The following AKAP7 variants were observed in gnomAD, a reference collection of about 807,000 sequenced individuals.
The protein encoded by AKAP7 is A-kinase anchoring protein 7.
In AKAP7, 39 loss-of-function variants were observed where a neutral mutation model predicts 39.5. The observed-to-expected ratio is 0.99, with a 90% CI of 0.76 to 1.29. AKAP7 has a LOEUF of 1.29. Ranked by LOEUF, AKAP7 falls within the 50% of genes most tolerant of loss-of-function variation. The pLI is 0.00. For missense variants in AKAP7, 414 were observed against 407.7 expected (o/e 1.02, Z -0.13); for synonymous variants, 140 against 139.1 (o/e 1.01, Z -0.05).
At chr6:131,157,797 C>T (rs1426379620) in intron 2 of AKAP7, among the ~76,000 whole-genome samples, 1 of 152,142 alleles carries the variant, frequency 6.6e-6, no homozygotes, top group East Asian at 1.9e-4. Context: ...ATCCTCTAAT[C>T]ATGAAGAGCT....
chr6:131,180,689 A>T (rs1017148480), intron 5 of AKAP7, among the ~76,000 whole-genome samples: 1 of 152,156 alleles, frequency 6.6e-6, no homozygotes, highest in African/African-American at 2.4e-5. Context: ...GGCCTACTTC[A>T]CTGCATGCCA....
rs529962318 is a variant in AKAP7, at chr6:131,282,454, G to A, written c.*728G>A. ...TTAATGAAGCTTTGCATCGAGAAAC[G>A]ATGGGTCTGAAGTCCAAAGTGAAAC... On this transcript the variant is annotated 3_prime_UTR_variant, in exon 8 of 8. Transcript: ENST00000431975. 85 of 1,531,022 alleles carry A rather than the reference G, an allele frequency of 5.6e-5. No homozygotes were observed. The African/African-American group carries it at 8.9e-4, about 16-fold the overall frequency. 94.8% of individuals were successfully genotyped at this position (1,531,022 alleles called of 1,614,324 possible). A position where few individuals can be genotyped will look rare whatever the true frequency, so the allele number is the denominator to read the frequency against.
rs1815178376 is a variant in AKAP7 at position 131,281,385 on chromosome 6, A to G, written c.851-145A>G. The G allele has an allele frequency of 1.7e-6, 1 of 596,686 alleles. No individual in the cohort carries two copies. Among genetic ancestry groups the G allele is most frequent in the Non-Finnish European group, 2.7e-6 (1 of 371,094 alleles). The allele number at this position is 596,686 out of a possible 1,614,324, so 37.0% of individuals were successfully genotyped here. Reference sequence around the variant, plus strand: ...CAGGCTCCTGCTTCTGCAAATACCAAATGAAAAGCCAACCCACTGTTCTTG... The same window carrying G: ...CAGGCTCCTGCTTCTGCAAATACCAGATGAAAAGCCAACCCACTGTTCTTG... On this transcript the variant is annotated intron_variant, in intron 7 of 7. Transcript: ENST00000431975. This position sits in a 1 kb window ranked among gnomAD's most constrained non-coding sequence, Gnocchi z 4.0.
intron 7 of AKAP7, among the ~76,000 whole-genome samples, chr6:131,247,055 C>T (rs1447108480): frequency 1.3e-5 from 2 of 151,930 alleles, no homozygotes; most frequent in African/African-American, 4.8e-5. Flanking sequence ...CTTCAGAGAG[C>T]TGTCTTAGAG....
intron 5 of AKAP7, among the ~76,000 whole-genome samples, chr6:131,197,579 T>C (rs982327703): frequency 6.6e-6 from 1 of 152,214 alleles, no homozygotes; most frequent in African/African-American, 2.4e-5. Flanking sequence ...GTTTTCTTTT[T>C]CTTAGTGTGT....
intron 7 of AKAP7, among the ~76,000 whole-genome samples, chr6:131,250,784 A>AACTGTAAAAGT (rs1812385153): frequency 6.7e-6 from 1 of 150,138 alleles, no homozygotes; most frequent in Non-Finnish European, 1.5e-5. Context: ...GTTACAAATT[A>AACTGTAAAAGT]ACTGTAAAAG....
intron 7 of AKAP7, among the ~76,000 whole-genome samples, chr6:131,279,547 G>A (rs1017628745): frequency 2.6e-5 from 4 of 152,324 alleles, no homozygotes; most frequent in Non-Finnish European, 4.4e-5. Context: ...GATTACAGGC[G>A]TGAGCCACCG....
chr6:131,170,362 A>C (rs1388647203), intron 5 of AKAP7, among the ~76,000 whole-genome samples: 3 of 149,316 alleles, frequency 2.0e-5, no homozygotes, highest in Non-Finnish European at 4.5e-5. Flanking sequence ...GAATCTGGAA[A>C]AAAAGAAAAA....
At chr6:131,157,475 A>T (rs1193225350) in intron 2 of AKAP7, among the ~76,000 whole-genome samples, 1 of 152,210 alleles carries the variant, frequency 6.6e-6, no homozygotes, top group Non-Finnish European at 1.5e-5. Context: ...TTTAAAATAT[A>T]TGTGTTCTTC....
In AKAP7 at chr6:131,247,610, G is replaced by A. The variant is rs1020699786; in HGVS notation, c.850+27802G>A. Among the ~76,000 whole-genome samples, 51 of 151,530 alleles carry A rather than the reference G, an allele frequency of 3.4e-4. 1 individual carries two copies. Among genetic ancestry groups the A allele is most frequent in the Admixed American group, 2.0e-4 (3 of 15,192 alleles). ...GCTGGGATTACAGGCATGAGCCACC[G>A]CGCCTGGCCATATTTTATTTCTTTT... is the stretch of plus-strand genomic sequence containing the variant. On this transcript the variant is annotated intron_variant, in intron 7 of 7. Coordinates refer to ENST00000431975, the MANE Select transcript of AKAP7 (RefSeq NM_016377.4).
intron 7 of AKAP7, among the ~76,000 whole-genome samples, chr6:131,267,994 G>C (rs1443724602): frequency 6.6e-6 from 1 of 152,062 alleles, no homozygotes; most frequent in Non-Finnish European, 1.5e-5. Flanking sequence ...AAAGATGAAA[G>C]CATGGGAAGG....
Position 131,281,678 on chromosome 6 carries a change from C to T in AKAP7, c.999C>T (p.Thr333=), listed in dbSNP as rs41285334. 82 of 1,612,364 alleles carry T rather than the reference C, an allele frequency of 5.1e-5. No homozygotes were observed. Among genetic ancestry groups the T allele is most frequent in the Non-Finnish European group, 6.6e-5 (78 of 1,179,270 alleles). ...CGGGGGAGGGGAGCTCTGTGAAAAC[C>T]GAAGCAGCTGATCAGAATGGCAATG... The part of the protein sequence containing the change: ...NKPGEGSSVK[T]EAADQNGNDN... Residue 333 remains threonine (T), a synonymous_variant, in exon 8 of 8, where the codon ACC becomes ACT. Transcript: ENST00000431975. The surrounding 1 kb of genome is among the most constrained non-coding windows in gnomAD (Gnocchi z 4.0).
intron 7 of AKAP7, among the ~76,000 whole-genome samples, chr6:131,246,753 G>C (rs192241305): frequency 2.6e-5 from 4 of 152,280 alleles, no homozygotes; most frequent in African/African-American, 9.6e-5. Context: ...AAAGGGATTT[G>C]ATGGCAAAAC....
Position 131,253,478 on chromosome 6 carries a change from C to T in AKAP7, c.851-28052C>T, listed in dbSNP as rs190425944. On this transcript the variant is annotated intron_variant, in intron 7 of 7. Coordinates refer to ENST00000431975, the MANE Select transcript of AKAP7 (RefSeq NM_016377.4). ...CTTGTGGCGGGAATATTTCAACTTC[C>T]AGCTATTTTGGAATGTACAATAAAT... 4.5e-4 allele frequency among the ~76,000 whole-genome samples: 69 copies of T among 152,182 alleles called. No individual in the cohort carries two copies. In the South Asian group the frequency reaches 7.7e-3, roughly 17 times the overall value.
intron 5 of AKAP7, among the ~76,000 whole-genome samples, chr6:131,179,744 C>T (rs1236031851): frequency 1.3e-5 from 2 of 151,998 alleles, no homozygotes; most frequent in Non-Finnish European, 2.9e-5. Context: ...ATGGTGCATG[C>T]CTTGATTCCA....
chr6:131,211,642 G>A (rs925161094), intron 6 of AKAP7, among the ~76,000 whole-genome samples: 21 of 151,394 alleles, frequency 1.4e-4, no homozygotes, highest in Non-Finnish European at 2.4e-4. Flanking sequence ...GTATGGTGGC[G>A]GACACCTGTA....
Position 131,281,770 on chromosome 6 carries a change from C to CTT in AKAP7, c.*45_*46dup, listed in dbSNP as rs762271526. ...CATGTCTCTGTGCAAAGCCTCCCTG[C>CTT]TTCCCTCTGCTGAGTCTAGGGACTG... is the stretch of plus-strand genomic sequence containing the variant. On this transcript the variant is annotated 3_prime_UTR_variant, in exon 8 of 8. Coordinates refer to ENST00000431975, the MANE Select transcript of AKAP7 (RefSeq NM_016377.4). The surrounding 1 kb of genome is among the most constrained non-coding windows in gnomAD (Gnocchi z 4.0). The CTT allele has an allele frequency of 6.6e-7, 1 of 1,522,832 alleles. No homozygotes were observed. The allele number at this position is 1,522,832 out of a possible 1,614,324, so 94.3% of individuals were successfully genotyped here. A position where few individuals can be genotyped will look rare whatever the true frequency, so the allele number is the denominator to read the frequency against.
chr6:131,153,143 A>AG (rs1482256449), intron 2 of AKAP7, among the ~76,000 whole-genome samples: 13 of 151,428 alleles, frequency 8.6e-5, no homozygotes, highest in South Asian at 2.1e-4. Context: ...AAAAAAAAAA[A>AG]AGAGAGAGAG....
At chr6:131,127,158 G>T in the AKAP7 span, among the ~76,000 whole-genome samples, 2 of 151,954 alleles carry the variant, frequency 1.3e-5, no homozygotes, top group African/African-American at 4.8e-5. Context: ...CGATTTTCCT[G>T]CCTTAGCCTC....
Sources: allele counts gnomAD v4.1 joint callset (sites outside exome capture counted in the v4.1 genomes callset), GRCh38; gene constraint gnomAD v4.1.1; non-coding constraint Gnocchi (gnomAD v3.1); transcripts MANE v1.5; gene names NCBI Gene and HGNC (gene_info 2026-07-23, HGNC 2026-07-21).